The following FOXO3 variants were observed in gnomAD, a reference collection of about 807,000 sequenced individuals.
FOXO3 encodes forkhead box protein O3.
FOXO3 carries 4 observed loss-of-function variants against 41.9 expected under a neutral mutation model. The ratio of observed to expected loss-of-function variants is 0.10; its 90% confidence interval spans 0.05 to 0.22. FOXO3 has a LOEUF of 0.22. FOXO3 is among the 10% of genes least tolerant of loss of function. The probability of loss-of-function intolerance (pLI) is 1.00; values close to 1 mark genes in which losing one functional copy is unlikely to be tolerated. For missense variants in FOXO3, 534 were observed against 906.8 expected, an observed-to-expected ratio of 0.59 and a Z score of 5.28; for synonymous variants, 318 against 389.3, an observed-to-expected ratio of 0.82 and a Z score of 2.16.
intron 1 of FOXO3, among the ~76,000 whole-genome samples, chr6:108,582,239 AG>A (rs572718302): frequency 7.9e-5 from 12 of 152,276 alleles, no homozygotes; most frequent in African/African-American, 2.9e-4. Context: ...GGTGAAATCT[AG>A]GGACCATCCT....
At chr6:108,611,660 A>G (rs1337701422) in intron 1 of FOXO3, among the ~76,000 whole-genome samples, 1 of 145,724 alleles carries the variant, frequency 6.9e-6, no homozygotes, top group African/African-American at 2.5e-5. Flanking sequence ...TAAATTGTAT[A>G]TCTTCTTTGG....
chr6:108,569,003 C>T (rs545612757), intron 1 of FOXO3, among the ~76,000 whole-genome samples: 8 of 152,168 alleles, frequency 5.3e-5, no homozygotes, highest in Non-Finnish European at 7.4e-5. Flanking sequence ...CATGCAGTGT[C>T]GAGAAAGTCA....
chr6:108,612,942 G>T (rs1777404665), intron 1 of FOXO3, among the ~76,000 whole-genome samples: 2 of 152,084 alleles, frequency 1.3e-5, no homozygotes, highest in South Asian at 4.1e-4. Flanking sequence ...CCTATGTGTT[G>T]AGTAGTTTTT....
intron 1 of FOXO3, among the ~76,000 whole-genome samples, chr6:108,645,047 T>G (rs1028552708): frequency 2.6e-5 from 4 of 152,190 alleles, no homozygotes; most frequent in Non-Finnish European, 4.4e-5. Context: ...CTGCGGCCTC[T>G]CCAGTTCTTC....
chr6:108,676,344 G>A (rs892238947), intron 2 of FOXO3, among the ~76,000 whole-genome samples: 8 of 152,256 alleles, frequency 5.3e-5, no homozygotes, highest in Admixed American at 5.2e-4. Context: ...TGCTTAATCT[G>A]ATGTGTTTTC....
chr6:108,657,871 A>G (rs1199387683), intron 1 of FOXO3, among the ~76,000 whole-genome samples: 2 of 152,226 alleles, frequency 1.3e-5, no homozygotes, highest in East Asian at 3.8e-4. Context: ...ACATTTAAGT[A>G]GAGAAGTTAG....
chr6:108,631,616 C>T (rs1777977114), intron 1 of FOXO3, among the ~76,000 whole-genome samples: 1 of 152,010 alleles, frequency 6.6e-6, no homozygotes, highest in African/African-American at 2.4e-5. Flanking sequence ...ATTTTTCCCC[C>T]CTTTCCTCTC....
intron 1 of FOXO3, among the ~76,000 whole-genome samples, chr6:108,614,084 G>A (rs1240395728): frequency 6.6e-6 from 1 of 152,056 alleles, no homozygotes; most frequent in African/African-American, 2.4e-5. Context: ...TCTGTTTTGT[G>A]TTGTTTTAAA....
intron 1 of FOXO3, among the ~76,000 whole-genome samples, chr6:108,650,407 T>G (rs760054201): frequency 1.9e-4 from 29 of 152,220 alleles, no homozygotes; most frequent in Non-Finnish European, 3.2e-4. Context: ...TATAGGAATT[T>G]TCTATTTCTA....
At chr6:108,639,918 T>C (rs1480304245) in intron 1 of FOXO3, among the ~76,000 whole-genome samples, 2 of 152,218 alleles carry the variant, frequency 1.3e-5, no homozygotes, top group African/African-American at 2.4e-5. Flanking sequence ...TAGAACTCAC[T>C]CCTTGGTCTT....
chr6:108,665,635 A>G (rs1246764996), intron 2 of FOXO3, among the ~76,000 whole-genome samples: 1 of 152,124 alleles, frequency 6.6e-6, no homozygotes, highest in Non-Finnish European at 1.5e-5. Flanking sequence ...AGCATGGGCA[A>G]CATAGCAAGA....
In FOXO3 at chr6:108,665,836, A is replaced by C. The variant is rs78646942; in HGVS notation, c.*34+947A>C. Among the ~76,000 whole-genome samples, 4 of 151,918 alleles carry C rather than the reference A, an allele frequency of 2.6e-5. No homozygotes were observed. The East Asian group carries it at 7.8e-4, about 29-fold the overall frequency. ...AGAAAAAAAAAAAAAAAAAGCCAAA[A>C]AATTAATTTGAAAACACAGGTGTTT... On this transcript the variant is annotated intron_variant, in intron 2 of 2. Transcript: ENST00000406360.
At chr6:108,634,797 G>T (rs2128377209) in intron 1 of FOXO3, among the ~76,000 whole-genome samples, 1 of 152,078 alleles carries the variant, frequency 6.6e-6, no homozygotes, top group East Asian at 1.9e-4. Context: ...GCATATATTT[G>T]AAACTTAAGA....
intron 2 of FOXO3, among the ~76,000 whole-genome samples, chr6:108,668,076 A>T (rs1779110751): frequency 6.6e-6 from 1 of 152,216 alleles, no homozygotes; most frequent in Admixed American, 6.5e-5. Flanking sequence ...CTCTCAAATT[A>T]ACTGTCCCAG....
chr6:108,560,988 G>T lies in FOXO3; in HGVS notation c.-221G>T. 1.5e-6 allele frequency: 2 copies of T among 1,361,416 alleles called. No individual in the cohort carries two copies. The highest frequency in any genetic ancestry group is 3.6e-5 in the South Asian group (2 of 54,868). 84.3% of individuals were successfully genotyped at this position (1,361,416 alleles called of 1,614,324 possible). Reference sequence around the variant, plus strand: ...CTGTTCCTGGGAGGCGGGCGCGGCAGGACTGGGAGGTGGCGGCAGCGGGCG... The same window carrying T: ...CTGTTCCTGGGAGGCGGGCGCGGCATGACTGGGAGGTGGCGGCAGCGGGCG... On this transcript the variant is annotated 5_prime_UTR_variant, in exon 1 of 3. The change creates a new upstream start codon in the 5' untranslated region. Transcript: ENST00000406360.
intron 1 of FOXO3, among the ~76,000 whole-genome samples, chr6:108,572,991 A>C (rs1422315489): frequency 6.6e-6 from 1 of 152,148 alleles, no homozygotes; most frequent in East Asian, 1.9e-4. Flanking sequence ...GGGTACAAGA[A>C]ATTAAAGAGC....
intron 1 of FOXO3, among the ~76,000 whole-genome samples, chr6:108,615,618 TA>T (rs953097819): frequency 6.6e-6 from 1 of 151,868 alleles, no homozygotes; most frequent in African/African-American, 2.4e-5. Context: ...TAGTTTTTTA[TA>T]AAAAAAATTT....
intron 1 of FOXO3, among the ~76,000 whole-genome samples, chr6:108,639,041 T>C (rs888182692): frequency 6.6e-5 from 10 of 152,198 alleles, no homozygotes; most frequent in Non-Finnish European, 8.8e-5. Context: ...GGGCTCCCTC[T>C]GGACAAACAG....
intron 1 of FOXO3, among the ~76,000 whole-genome samples, chr6:108,654,734 C>T (rs1400191203): frequency 1.3e-5 from 2 of 149,136 alleles, no homozygotes; most frequent in Admixed American, 1.3e-4. Flanking sequence ...TTTAGAGCAT[C>T]GTCTTTTTTT....
Sources: allele counts gnomAD v4.1 joint callset (sites outside exome capture counted in the v4.1 genomes callset), GRCh38; gene constraint gnomAD v4.1.1; transcripts MANE v1.5; gene names NCBI Gene and HGNC (gene_info 2026-07-23, HGNC 2026-07-21).